RASGRF2: variants seen among roughly 807,000 people sequenced by gnomAD.
The protein encoded by RASGRF2 is Ras protein specific guanine nucleotide releasing factor 2, also known as ras-specific guanine nucleotide-releasing factor 2.
A neutral mutation model predicts 151.0 loss-of-function variants in RASGRF2; 76 were observed. The ratio of observed to expected loss-of-function variants is 0.50; its 90% CI spans 0.42 to 0.61. RASGRF2 has a LOEUF of 0.61. Among genes scored for constraint, RASGRF2 ranks in the 20% least tolerant of loss-of-function variants. The probability of loss-of-function intolerance (pLI) is 0.00; values close to 1 mark genes in which losing one functional copy is unlikely to be tolerated. For synonymous variants in RASGRF2, 504 were observed against 566.5 expected, an observed-to-expected ratio of 0.89 and a Z score of 1.57; for missense variants, 1,148 against 1,564.6, an observed-to-expected ratio of 0.73 and a Z score of 4.49.
intron 18 of RASGRF2, among the ~76,000 whole-genome samples, chr5:81,198,350 A>G (rs1172999806): frequency 6.6e-6 from 1 of 152,168 alleles, no homozygotes; most frequent in African/African-American, 2.4e-5. Flanking sequence ...CCCACTTATA[A>G]GTGAAAACAT....
intron 1 of RASGRF2, among the ~76,000 whole-genome samples, chr5:80,969,642 G>A (rs1180550183): frequency 8.2e-5 from 12 of 146,544 alleles, no homozygotes; most frequent in East Asian, 2.1e-4. Context: ...TAGTAGAGAC[G>A]GGGTTTCACC....
chr5:81,095,754 T>G (rs887911206), intron 12 of RASGRF2, among the ~76,000 whole-genome samples: 5 of 152,200 alleles, frequency 3.3e-5, no homozygotes, highest in Admixed American at 2.0e-4. Context: ...TCATGCTTTT[T>G]TTTGGAAGAG....
chr5:80,997,961 TC>T (rs1160496171), intron 1 of RASGRF2: 1 of 103,170 alleles, frequency 9.7e-6, no homozygotes, highest in Non-Finnish European at 2.0e-5. Context: ...AGAGCAAGAC[TC>T]CGTCTCAAAA....
chr5:81,123,938 C>G (rs1399988021), intron 16 of RASGRF2, among the ~76,000 whole-genome samples, 171 bp downstream of exon 16: 1 of 152,194 alleles, frequency 6.6e-6, no homozygotes, highest in Non-Finnish European at 1.5e-5. Flanking sequence ...GTTCCACATC[C>G]ATGGGTTTCA....
chr5:81,201,391 G>T lies in RASGRF2; in HGVS notation c.2855G>T (p.Arg952Leu), dbSNP rs376863152. Residue 952 changes from arginine (R) to leucine (L), a missense_variant, in exon 19 of 27, where the codon CGA (arginine) becomes CTA (leucine). Around this residue, in one of 5 missense-constraint regions of RASGRF2, gnomAD observed 646 missense variants for 807.4 expected, o/e 0.80. Coordinates refer to ENST00000265080, the MANE Select transcript of RASGRF2 (RefSeq NM_006909.3). ...NVLNLLEEVL[R>L]DPDLLPQERK... ...CTAAATTTGCTAGAAGAAGTTTTGCGAGACCCAGACCTTCTTCCCCAAGAA... is the reference window on the plus strand; with the variant it reads ...CTAAATTTGCTAGAAGAAGTTTTGCTAGACCCAGACCTTCTTCCCCAAGAA... 1 of 1,613,836 alleles carries T rather than the reference G, an allele frequency of 6.2e-7. No homozygotes were observed. The highest frequency in any genetic ancestry group is 1.3e-5 in the African/African-American group (1 of 74,900).
At chr5:80,977,402 A>T (rs555271123) in intron 1 of RASGRF2, among the ~76,000 whole-genome samples, 1 of 152,326 alleles carries the variant, frequency 6.6e-6, no homozygotes, top group South Asian at 2.1e-4. Context: ...ATTAACTGAG[A>T]TAATCTTATG....
intron 17 of RASGRF2, among the ~76,000 whole-genome samples, chr5:81,128,130 G>T (rs1231554471): frequency 1.3e-5 from 2 of 152,110 alleles, no homozygotes; most frequent in African/African-American, 4.8e-5. Flanking sequence ...CCAGGGGCTG[G>T]TGGGGAGGAA....
intron 1 of RASGRF2, among the ~76,000 whole-genome samples, chr5:81,036,448 T>C (rs1445204322): frequency 6.6e-6 from 1 of 152,178 alleles, no homozygotes; most frequent in Non-Finnish European, 1.5e-5. Flanking sequence ...GTTTACTGCA[T>C]AGCCATATAA....
chr5:81,186,451 T>G (rs969005137), intron 18 of RASGRF2, among the ~76,000 whole-genome samples: 3 of 152,204 alleles, frequency 2.0e-5, no homozygotes, highest in Admixed American at 2.0e-4. Context: ...TGATATTCGT[T>G]TCTCTCAATT....
At chr5:81,189,492 C>CTT (rs1196446275) in intron 18 of RASGRF2, among the ~76,000 whole-genome samples, 1 of 139,928 alleles carries the variant, frequency 7.1e-6, no homozygotes, top group African/African-American at 2.6e-5. Context: ...GTGTGTGTTT[C>CTT]TTTTTTTTTT....
intron 1 of RASGRF2, among the ~76,000 whole-genome samples, chr5:81,036,239 A>G (rs1424079986): frequency 6.6e-6 from 1 of 152,114 alleles, no homozygotes; most frequent in African/African-American, 2.4e-5. Flanking sequence ...TATGAATTTT[A>G]AATATTTCCT....
At chr5:81,148,677 G>T (rs1291721011) in intron 17 of RASGRF2, among the ~76,000 whole-genome samples, 1 of 140,798 alleles carries the variant, frequency 7.1e-6, no homozygotes, top group African/African-American at 2.6e-5. Context: ...ACTGTTGTGG[G>T]GTGGGGGGAG....
intron 12 of RASGRF2, among the ~76,000 whole-genome samples, chr5:81,105,308 A>C (rs1241596827): frequency 6.6e-6 from 1 of 152,128 alleles, no homozygotes; most frequent in African/African-American, 2.4e-5. Context: ...TGAATCCCTA[A>C]GAAACAGGTT....
chr5:81,118,534 T>C (rs1396315464), intron 15 of RASGRF2, among the ~76,000 whole-genome samples: 2 of 152,212 alleles, frequency 1.3e-5, no homozygotes, highest in South Asian at 2.1e-4. Flanking sequence ...CTTTCTCCCA[T>C]TGTCTTAATG....
intron 17 of RASGRF2, among the ~76,000 whole-genome samples, chr5:81,127,689 C>T (rs367776336): frequency 4.6e-5 from 7 of 151,512 alleles, no homozygotes; most frequent in African/African-American, 9.7e-5. Flanking sequence ...TTTGGGAGGC[C>T]GAGGCAAGCG....
chr5:80,997,509 T>C (rs1368210411), intron 1 of RASGRF2: 2 of 153,254 alleles, frequency 1.3e-5, no homozygotes, highest in African/African-American at 4.8e-5. Context: ...TTTGTCTTTC[T>C]TGGTGTATTT....
At chr5:80,974,705 C>T (rs1435158531) in intron 1 of RASGRF2, among the ~76,000 whole-genome samples, 4 of 152,194 alleles carry the variant, frequency 2.6e-5, no homozygotes, top group Non-Finnish European at 5.9e-5. Flanking sequence ...CTTCATCTAT[C>T]TTCAGATGGG....
At chr5:80,986,840 G>A (rs1378272483) in intron 1 of RASGRF2, among the ~76,000 whole-genome samples, 2 of 152,142 alleles carry the variant, frequency 1.3e-5, no homozygotes, top group East Asian at 3.9e-4. Flanking sequence ...AAATTGGTCA[G>A]ATCATGTTAT....
chr5:81,010,090 G>T (rs1424363924), intron 1 of RASGRF2, among the ~76,000 whole-genome samples: 1 of 151,384 alleles, frequency 6.6e-6, no homozygotes, highest in East Asian at 1.9e-4. Context: ...CTGGAGGTAG[G>T]TTGCAGTGAG....
Sources: allele counts gnomAD v4.1 joint callset (sites outside exome capture counted in the v4.1 genomes callset), GRCh38; gene constraint gnomAD v4.1.1; regional missense constraint gnomAD v4.1.1; transcripts MANE v1.5; gene names NCBI Gene and HGNC (gene_info 2026-07-23, HGNC 2026-07-21).